The following HS6ST3 variants were observed in gnomAD, a reference collection of about 807,000 sequenced individuals.
HS6ST3 encodes heparan sulfate 6-O-sulfotransferase 3.
Under a neutral mutation model 36.7 loss-of-function variants are expected in HS6ST3, and 12 were observed. The observed-to-expected ratio is 0.33, with a 90% CI of 0.21 to 0.53. The LOEUF (loss-of-function observed/expected upper bound fraction) is 0.53. Ranked by LOEUF, HS6ST3 falls within the 20% of genes least tolerant of loss-of-function variation. The probability of loss-of-function intolerance (pLI) is 0.95; values close to 1 mark genes in which losing one functional copy is unlikely to be tolerated. For synonymous variants in HS6ST3, 240 were observed against 257.5 expected (o/e 0.93, Z 0.65); for missense variants, 584 against 640.9 (o/e 0.91, Z 0.96).
At chr13:96,441,375 G>A (rs1555305221) in intron 1 of HS6ST3, among the ~76,000 whole-genome samples, 1 of 151,704 alleles carries the variant, frequency 6.6e-6, no homozygotes, top group Non-Finnish European at 1.5e-5. Context: ...TCTCCACCTA[G>A]CAGTACTTGA....
chr13:96,740,224 C>T (rs753456460), intron 1 of HS6ST3, among the ~76,000 whole-genome samples: 29 of 152,150 alleles, frequency 1.9e-4, no homozygotes, highest in Admixed American at 1.2e-3. Flanking sequence ...TCTCATATGC[C>T]CCGAATTCAA....
chr13:96,809,189 A>G (rs1878264535), intron 1 of HS6ST3, among the ~76,000 whole-genome samples: 1 of 152,144 alleles, frequency 6.6e-6, no homozygotes, highest in Non-Finnish European at 1.5e-5. Context: ...CCCTGTAATA[A>G]TGTATTCTTT....
At position 96,150,334 on chromosome 13, in the gene HS6ST3, A is replaced by G. The variant is rs1187884580; in HGVS notation, c.707+58765A>G. Among the ~76,000 whole-genome samples the G allele has an allele frequency of 4.6e-5, 7 of 152,080 alleles. No individual in the cohort carries two copies. The East Asian group carries it at 1.4e-3, about 29-fold the overall frequency. Reference sequence around the variant, plus strand: ...AAGAGGCATCATTCAGAGTGAACCAATCATTAGAGTGGGTAAGCCAGGGAT... The same window carrying G: ...AAGAGGCATCATTCAGAGTGAACCAGTCATTAGAGTGGGTAAGCCAGGGAT... On this transcript the variant is annotated intron_variant, in intron 1 of 1. Transcript: ENST00000376705.
chr13:96,808,129 C>A (rs548487912), intron 1 of HS6ST3, among the ~76,000 whole-genome samples: 1 of 152,170 alleles, frequency 6.6e-6, no homozygotes. Context: ...AAAGAGACCA[C>A]TGCCATACAG....
chr13:96,818,500 A>G (rs1878468433), intron 1 of HS6ST3, among the ~76,000 whole-genome samples: 1 of 152,218 alleles, frequency 6.6e-6, no homozygotes, highest in African/African-American at 2.4e-5. Context: ...TGTTCCTAGC[A>G]TGGAGAAAAA....
At chr13:96,177,847 C>T (rs561515128) in intron 1 of HS6ST3, among the ~76,000 whole-genome samples, 1 of 151,232 alleles carries the variant, frequency 6.6e-6, no homozygotes, top group South Asian at 2.1e-4. Context: ...GTATAAGAAA[C>T]CAAGAGACTT....
chr13:96,419,912 A>G (rs1424918688), intron 1 of HS6ST3, among the ~76,000 whole-genome samples: 9 of 152,192 alleles, frequency 5.9e-5, no homozygotes, highest in Non-Finnish European at 1.0e-4. Flanking sequence ...TGCACCTGCA[A>G]AGACTCTATT....
At chr13:96,759,784 T>C (rs1876920788) in intron 1 of HS6ST3, among the ~76,000 whole-genome samples, 1 of 152,180 alleles carries the variant, frequency 6.6e-6, no homozygotes, top group Middle Eastern at 3.4e-3. Context: ...TGTAACACTT[T>C]CCTTCAGAGA....
intron 1 of HS6ST3, among the ~76,000 whole-genome samples, chr13:96,767,937 T>C (rs1310644927): frequency 6.6e-6 from 1 of 152,216 alleles, no homozygotes; most frequent in Non-Finnish European, 1.5e-5. Context: ...GAGCTAATAT[T>C]ACAATCAGGT....
At chr13:96,372,344 T>G (rs1450019529) in intron 1 of HS6ST3, among the ~76,000 whole-genome samples, 1 of 152,180 alleles carries the variant, frequency 6.6e-6, no homozygotes, top group East Asian at 1.9e-4. Flanking sequence ...TTTCTTGCTA[T>G]TGAGTATATG....
At chr13:96,647,034 A>C (rs910609520) in intron 1 of HS6ST3, among the ~76,000 whole-genome samples, 4 of 151,966 alleles carry the variant, frequency 2.6e-5, no homozygotes, top group African/African-American at 9.7e-5. Context: ...CCCACTGAAC[A>C]TGTGTGTTAG....
chr13:96,592,802 G>A (rs538226413), intron 1 of HS6ST3, among the ~76,000 whole-genome samples: 12 of 152,116 alleles, frequency 7.9e-5, no homozygotes, highest in Admixed American at 7.9e-4. Flanking sequence ...TCTGCTTCTA[G>A]ATATATTGGA....
Position 96,834,225 on chromosome 13 carries a change from C to A in HS6ST3, c.*1027C>A, listed in dbSNP as rs906205987. 6.6e-6 allele frequency: 1 copy of A among 152,136 alleles called. No homozygotes were observed. The highest frequency in any genetic ancestry group is 1.5e-5 in the Non-Finnish European group (1 of 68,022). The allele number at this position is 152,136 out of a possible 1,614,324, so 9.4% of individuals were successfully genotyped here. ...AAAAGCTTGGCCCAAAGAATAGGAACTTAGCTAGCATGTATACAAAATATA... is the reference window on the plus strand; with the variant it reads ...AAAAGCTTGGCCCAAAGAATAGGAAATTAGCTAGCATGTATACAAAATATA... On this transcript the variant is annotated 3_prime_UTR_variant, in exon 2 of 2. Transcript: ENST00000376705.
chr13:96,600,480 G>A (rs1447545300), intron 1 of HS6ST3, among the ~76,000 whole-genome samples: 3 of 151,880 alleles, frequency 2.0e-5, no homozygotes, highest in Non-Finnish European at 4.4e-5. Flanking sequence ...TGATATAGGA[G>A]TAGCTATTCC....
chr13:96,744,781 A>G (rs1876524681), intron 1 of HS6ST3, among the ~76,000 whole-genome samples: 1 of 152,106 alleles, frequency 6.6e-6, no homozygotes, highest in African/African-American at 2.4e-5. Flanking sequence ...AGATTTTCCC[A>G]TCAAAATCAA....
intron 1 of HS6ST3, among the ~76,000 whole-genome samples, chr13:96,309,680 GT>G (rs1483047989): frequency 6.6e-6 from 1 of 152,080 alleles, no homozygotes; most frequent in Non-Finnish European, 1.5e-5. Flanking sequence ...CTGAGTAGTT[GT>G]TTTGGCAAAA....
At chr13:96,438,167 G>A (rs988378904) in intron 1 of HS6ST3, among the ~76,000 whole-genome samples, 1 of 152,004 alleles carries the variant, frequency 6.6e-6, no homozygotes, top group African/African-American at 2.4e-5. Context: ...CTGTGTCCAG[G>A]GACTGATGTC....
Position 96,832,472 on chromosome 13 carries a change from T to C in HS6ST3, c.708-18T>C. ...TAGAGTTGTCAACTACTGATGCTCT[T>C]CCTCTAATTTCTTCTAGGAATTTCT... On this transcript the variant is annotated intron_variant, in intron 1 of 1. Coordinates refer to ENST00000376705, the MANE Select transcript of HS6ST3 (RefSeq NM_153456.4). The C allele has an allele frequency of 6.6e-7, 1 of 1,518,918 alleles. No individual in the cohort carries two copies. Among genetic ancestry groups the C allele is most frequent in the Non-Finnish European group, 8.9e-7 (1 of 1,129,938 alleles). 94.1% of individuals were successfully genotyped at this position (1,518,918 alleles called of 1,614,324 possible).
chr13:96,158,262 C>T (rs549598318), intron 1 of HS6ST3, among the ~76,000 whole-genome samples: 5 of 151,828 alleles, frequency 3.3e-5, no homozygotes, highest in African/African-American at 9.7e-5. Context: ...GAGGGAGATG[C>T]GGGAAGGAGG....
Sources: gnomAD v4.1 joint callset for allele counts (sites outside exome capture counted in the v4.1 genomes callset) on GRCh38, gnomAD v4.1.1 for gene constraint, MANE v1.5 for transcripts, NCBI Gene and HGNC (gene_info 2026-07-23, HGNC 2026-07-21) for gene names.